Variants in ANO5 observed in about 807,000 individuals in gnomAD.
The protein encoded by ANO5 is anoctamin 5, also known as anoctamin-5.
ANO5 carries 109 observed loss-of-function variants against 121.0 expected under a neutral mutation model. The observed-to-expected ratio is 0.90, with a 90% CI of 0.77 to 1.06. The LOEUF (loss-of-function observed/expected upper bound fraction) is 1.06, where lower values mean the gene tolerates loss of function less well. Ranked by LOEUF, ANO5 falls within the 50% of genes least tolerant of loss-of-function variation. ANO5 has a pLI of 0.00. For synonymous variants in ANO5, 406 were observed against 359.9 expected (o/e 1.13, Z -1.45); for missense variants, 1,064 against 1,078.5 (o/e 0.99, Z 0.19).
At chr11:22,254,872 A>T (rs1190397358) in intron 12 of ANO5, among the ~76,000 whole-genome samples, 1 of 152,112 alleles carries the variant, frequency 6.6e-6, no homozygotes, top group Non-Finnish European at 1.5e-5. Flanking sequence ...AAATAAAGAC[A>T]TAAAAAGAAA....
intron 4 of ANO5, among the ~76,000 whole-genome samples, chr11:22,218,717 T>C (rs1460163865): frequency 6.6e-6 from 1 of 151,964 alleles, no homozygotes; most frequent in Non-Finnish European, 1.5e-5. Flanking sequence ...CACACCACCA[T>C]GCTCAGCTAA....
At chr11:22,223,038 G>A (rs138630671) in intron 5 of ANO5, among the ~76,000 whole-genome samples, 6 of 151,956 alleles carry the variant, frequency 3.9e-5, no homozygotes, top group African/African-American at 1.4e-4. Flanking sequence ...TCCACCAGGA[G>A]TTTTGCCTGT....
intron 12 of ANO5, among the ~76,000 whole-genome samples, chr11:22,252,605 C>T (rs1485580652): frequency 6.6e-6 from 1 of 152,108 alleles, no homozygotes; most frequent in Admixed American, 6.6e-5. Context: ...TTGTCTGCCA[C>T]ATAAATTGCA....
At chr11:22,259,401 C>T in intron 14 of ANO5, 118 bp from the exon 15 acceptor site, 1 of 1,068,886 alleles carries the variant, frequency 9.4e-7, no homozygotes, top group Non-Finnish European at 1.4e-6. Context: ...GTTTGCTTTG[C>T]ACATGAGAAC....
In ANO5 at chr11:22,240,772, G is replaced by C. The variant is rs1853402504; in HGVS notation, c.878+1088G>C. On this transcript the variant is annotated intron_variant, in intron 9 of 21. Transcript: ENST00000324559. The stretch of plus-strand genomic sequence containing the variant: ...GCTTGATTTGGATAATATTGATTTA[G>C]TCCTATTTTTGTGTTCCTGCATAAA... Among the ~76,000 whole-genome samples the C allele has an allele frequency of 4.0e-5, 6 of 150,262 alleles. No homozygotes were observed. In the Admixed American group the frequency reaches 4.0e-4, roughly 10 times the overall value.
At chr11:22,239,873 G>A (rs1443796573) in intron 9 of ANO5, among the ~76,000 whole-genome samples, 189 bp downstream of exon 9, 1 of 152,024 alleles carries the variant, frequency 6.6e-6, no homozygotes, top group Non-Finnish European at 1.5e-5. Context: ...AGACAACAGC[G>A]ATAGTATGGT....
intron 8 of ANO5, among the ~76,000 whole-genome samples, chr11:22,236,982 ATACTC>A (rs1853245107): frequency 1.3e-5 from 2 of 152,184 alleles, no homozygotes; most frequent in Admixed American, 1.3e-4. Context: ...CTTGGAACCA[ATACTC>A]AGCCTAATTT....
In ANO5 at chr11:22,270,353, ACT is replaced by A; in HGVS notation, c.1943_1944del (p.Ser648Ter). 1.2e-6 allele frequency: 2 copies of A among 1,613,992 alleles called. No individual in the cohort carries two copies. Among genetic ancestry groups the A allele is most frequent in the East Asian group, 2.2e-5 (1 of 44,866 alleles). ...TGGAGACGCCGAAAAGCTCGGACAA[ACT>A]CTGAGAAGCTGTATAGTCGATGGGA... On this transcript the variant is annotated frameshift_variant, in exon 18 of 22. Transcript: ENST00000324559. LOFTEE classifies it high-confidence loss of function.
rs1446819901 is a variant in ANO5 at position 22,236,140 on chromosome 11, G to A, written c.649-23G>A. 3.4e-6 allele frequency: 5 copies of A among 1,473,960 alleles called. No individual in the cohort carries two copies. In the South Asian group the frequency reaches 5.7e-5, roughly 17 times the overall value. 91.3% of individuals were successfully genotyped at this position (1,473,960 alleles called of 1,614,324 possible). A position where few individuals can be genotyped will look rare whatever the true frequency, so the allele number is the denominator to read the frequency against. On this transcript the variant is annotated intron_variant, in intron 7 of 21. Coordinates refer to ENST00000324559, the MANE Select transcript of ANO5 (RefSeq NM_213599.3). ...GCATAAAGTTCTGAGATGTGATAGT[G>A]TCTCTTTGCACTTACCTTGTAGGTG... is the stretch of plus-strand genomic sequence containing the variant.
Position 22,280,206 on chromosome 11 carries a change from G to A in ANO5, c.*441G>A, listed in dbSNP as rs1005285386. 5.6e-6 allele frequency: 1 copy of A among 179,928 alleles called. No individual in the cohort carries two copies. The highest frequency in any genetic ancestry group is 1.6e-4 in the East Asian group (1 of 6,320). 11.1% of individuals were successfully genotyped at this position (179,928 alleles called of 1,614,324 possible). A position where few individuals can be genotyped will look rare whatever the true frequency, so the allele number is the denominator to read the frequency against. On this transcript the variant is annotated 3_prime_UTR_variant, in exon 22 of 22. Coordinates refer to ENST00000324559, the MANE Select transcript of ANO5 (RefSeq NM_213599.3). ...CAAAAAGAAATGGATCAAAGAGACT[G>A]ACTGAGCCCTATATATCCTATCATT...
intron 9 of ANO5, among the ~76,000 whole-genome samples, chr11:22,244,771 G>T (rs1471884625): frequency 6.6e-6 from 1 of 151,816 alleles, no homozygotes; most frequent in Non-Finnish European, 1.5e-5. Context: ...TCATCTTTCA[G>T]CTCTTAGATT....
At chr11:22,279,470 T>G in intron 21 of ANO5, 74 bp from the exon 22 acceptor site, 1 of 1,273,748 alleles carries the variant, frequency 7.9e-7, no homozygotes, top group South Asian at 1.2e-5. Flanking sequence ...ATAAGTGAAA[T>G]GATTTGTAAA....
rs181974665 is a variant in ANO5 at position 22,263,527 on chromosome 11, C to G, written c.1898+484C>G. 1.9e-4 allele frequency among the ~76,000 whole-genome samples: 29 copies of G among 152,244 alleles called. No individual in the cohort carries two copies. In the East Asian group the frequency reaches 3.7e-3, roughly 19 times the overall value. ...TAGATTGTAAGTGAAATGATGGAGACTTTCAGGTCAATACATGAAAGATTG... is the reference window on the plus strand; with the variant it reads ...TAGATTGTAAGTGAAATGATGGAGAGTTTCAGGTCAATACATGAAAGATTG... On this transcript the variant is annotated intron_variant, in intron 17 of 21. Transcript: ENST00000324559.
At chr11:22,260,120 G>A (rs1243026094) in intron 15 of ANO5, among the ~76,000 whole-genome samples, 2 of 152,112 alleles carry the variant, frequency 1.3e-5, no homozygotes, top group Non-Finnish European at 2.9e-5. Context: ...GGAAGTTATT[G>A]TGAGAAAAAC....
chr11:22,195,527 C>T (rs962697458), intron 1 of ANO5, among the ~76,000 whole-genome samples: 1 of 152,092 alleles, frequency 6.6e-6, no homozygotes, highest in Non-Finnish European at 1.5e-5. Context: ...CTCCCAGGCT[C>T]AAGCGATCCT....
chr11:22,259,518 G>T lies in ANO5; in HGVS notation c.1408-1G>T. ...AGCAGTTCTTTGTTTTCCTTTCCCAGATGTCTCTTGTCGTCACCAGTATGG... is the reference window on the plus strand; with the variant it reads ...AGCAGTTCTTTGTTTTCCTTTCCCATATGTCTCTTGTCGTCACCAGTATGG... On this transcript the variant is annotated splice_acceptor_variant, in intron 14 of 21. Transcript: ENST00000324559. LOFTEE classifies it high-confidence loss of function. The T allele has an allele frequency of 6.2e-7, 1 of 1,613,776 alleles. No homozygotes were observed. The highest frequency in any genetic ancestry group is 1.3e-5 in the African/African-American group (1 of 75,038).
In ANO5 at chr11:22,282,830, A is replaced by T. The variant is rs1490302983; in HGVS notation, c.*3065A>T. The T allele has an allele frequency of 1.3e-5, 2 of 152,134 alleles. No homozygotes were observed. Among genetic ancestry groups the T allele is most frequent in the Non-Finnish European group, 2.9e-5 (2 of 68,012 alleles). The allele number at this position is 152,134 out of a possible 1,614,324, so 9.4% of individuals were successfully genotyped here. The stretch of plus-strand genomic sequence containing the variant: ...TCTGTACCAATCATTCAAAAAGGGA[A>T]TCTATTGTTTTGAAAGAAACTCTCT... On this transcript the variant is annotated 3_prime_UTR_variant, in exon 22 of 22. Transcript: ENST00000324559.
At chr11:22,277,310 A>G (rs1854896101) in intron 21 of ANO5, among the ~76,000 whole-genome samples, 1 of 151,540 alleles carries the variant, frequency 6.6e-6, no homozygotes, top group Non-Finnish European at 1.5e-5. Context: ...TATTTTGATA[A>G]TTTATTTAGC....
At chr11:22,210,051 T>C (rs1852230934) in intron 2 of ANO5, among the ~76,000 whole-genome samples, 1 of 151,974 alleles carries the variant, frequency 6.6e-6, no homozygotes, top group African/African-American at 2.4e-5. Flanking sequence ...TGCTATCTGT[T>C]GTATTTAGAC....
Sources: allele counts gnomAD v4.1 joint callset (sites outside exome capture counted in the v4.1 genomes callset), GRCh38; gene constraint gnomAD v4.1.1; transcripts MANE v1.5; gene names NCBI Gene and HGNC (gene_info 2026-07-23, HGNC 2026-07-21).